Variants in FARSB observed in about 807,000 individuals in gnomAD.
The protein encoded by FARSB is phenylalanyl-tRNA synthetase subunit beta, also known as phenylalanine--tRNA ligase beta subunit.
In FARSB, 40 loss-of-function variants were observed where a neutral mutation model predicts 69.6. That is an observed-to-expected ratio of 0.57 (90% CI 0.45 to 0.75). FARSB has a LOEUF of 0.75. Ranked by LOEUF, FARSB falls within the 30% of genes least tolerant of loss-of-function variation. FARSB has a pLI of 0.00. For missense variants in FARSB, 632 were observed against 722.9 expected (o/e 0.87, Z 1.44); for synonymous variants, 235 against 247.2 (o/e 0.95, Z 0.46).
At chr2:222,580,673 C>A (rs1418161084) in intron 16 of FARSB, among the ~76,000 whole-genome samples, 1 of 151,954 alleles carries the variant, frequency 6.6e-6, no homozygotes, top group Non-Finnish European at 1.5e-5. Context: ...CATAACACAA[C>A]TACTGCCTTT....
chr2:222,584,892 T>C (rs1170331376), intron 16 of FARSB, among the ~76,000 whole-genome samples: 1 of 152,202 alleles, frequency 6.6e-6, no homozygotes, highest in East Asian at 1.9e-4. Context: ...CCTGCCTGCC[T>C]CTGTAGACTC....
intron 3 of FARSB, among the ~76,000 whole-genome samples, chr2:222,641,618 A>T (rs1691721622): frequency 6.6e-6 from 1 of 152,238 alleles, no homozygotes; most frequent in African/African-American, 2.4e-5. Context: ...CACTTTAAGT[A>T]GAAAACATTT....
chr2:222,640,123 T>A (rs1301633192), intron 4 of FARSB, among the ~76,000 whole-genome samples: 3 of 152,142 alleles, frequency 2.0e-5, no homozygotes, highest in African/African-American at 7.2e-5. Context: ...TAAAAAAAAA[T>A]GTTTTTTTAA....
In FARSB at chr2:222,624,388, G is replaced by A. The variant is rs150407941; in HGVS notation, c.1054C>T (p.Pro352Ser). 1.2e-6 allele frequency: 2 copies of A among 1,609,750 alleles called. No individual in the cohort carries two copies. The highest frequency in any genetic ancestry group is 1.3e-5 in the African/African-American group (1 of 74,914). Residue 352 changes from proline (P) to serine (S), a missense_variant, in exon 12 of 17, where the codon CCT (proline) becomes TCT (serine). Transcript: ENST00000281828. ...GDGNQIEIEI[P>S]PTRADIIHAC... is the part of the protein sequence containing the mutation. ...TGGATAATGTCAGCTCTGGTTGGAG[G>A]GATTTCAATCTCAATCTGATTCCCA...
rs1165938275 is a variant in FARSB, at chr2:222,656,050, A to T, written c.24T>A (p.Arg8=). MPTVSVK[R]DLLFQALGRT... is the part of the protein sequence containing the mutation. ...GGCCCAGGGCTTGGAAGAGCAGATC[A>T]CGCTTCACGCTGACAGTCGGCATGG... The change falls in exon 1 of 17, where the codon CGT becomes CGA. Residue 8 remains arginine (R), a synonymous_variant. Transcript: ENST00000281828. The T allele has an allele frequency of 6.3e-7, 1 of 1,596,116 alleles. No individual in the cohort carries two copies.
At chr2:222,607,580 T>C (rs1690735166) in intron 15 of FARSB, among the ~76,000 whole-genome samples, 1 of 151,678 alleles carries the variant, frequency 6.6e-6, no homozygotes, top group African/African-American at 2.4e-5. Flanking sequence ...GCATAACATA[T>C]GCTTGTATGA....
At chr2:222,601,737 C>A (rs1320310011) in intron 15 of FARSB, among the ~76,000 whole-genome samples, 2 of 152,226 alleles carry the variant, frequency 1.3e-5, no homozygotes, top group African/African-American at 4.8e-5. Context: ...TATAAAAGTG[C>A]ACTGCAGCCT....
chr2:222,615,139 T>C (rs1187193978), intron 14 of FARSB, among the ~76,000 whole-genome samples: 3 of 152,166 alleles, frequency 2.0e-5, no homozygotes, highest in Non-Finnish European at 4.4e-5. Context: ...AAAACATATT[T>C]CTCCCTGTAA....
chr2:222,637,973 C>G (rs560863919), intron 5 of FARSB, among the ~76,000 whole-genome samples: 15 of 152,074 alleles, frequency 9.9e-5, no homozygotes, highest in Non-Finnish European at 1.9e-4. Context: ...CAGAGAAAAA[C>G]CCTGTCTCAA....
chr2:222,574,485 C>T (rs1689787605), intron 16 of FARSB, among the ~76,000 whole-genome samples: 1 of 152,158 alleles, frequency 6.6e-6, no homozygotes, highest in Admixed American at 6.5e-5. Context: ...GGTCAGAAGG[C>T]CTTCACAGCG....
At chr2:222,577,722 G>C (rs754272984) in intron 16 of FARSB, among the ~76,000 whole-genome samples, 5 of 152,192 alleles carry the variant, frequency 3.3e-5, no homozygotes, top group Non-Finnish European at 5.9e-5. Context: ...TAAATATTTA[G>C]AATCGTAACT....
At chr2:222,587,943 G>A (rs1330625182) in intron 16 of FARSB, among the ~76,000 whole-genome samples, 1 of 152,114 alleles carries the variant, frequency 6.6e-6, no homozygotes, top group East Asian at 1.9e-4. Context: ...AGAGGTGCTG[G>A]TACCATTCCT....
intron 1 of FARSB, among the ~76,000 whole-genome samples, chr2:222,652,127 T>A (rs1241233955): frequency 1.3e-5 from 2 of 152,098 alleles, no homozygotes; most frequent in African/African-American, 4.8e-5. Flanking sequence ...GTCTCTCGAG[T>A]CTCTCAGGCC....
Position 222,595,993 on chromosome 2 carries a change from ACT to A in FARSB, c.1618+3933_1618+3934del, listed in dbSNP as rs1690404834. On this transcript the variant is annotated intron_variant, in intron 16 of 16. Transcript: ENST00000281828. The stretch of plus-strand genomic sequence containing the variant: ...ATATTTGGAGTTGAACCCTTTTGAA[ACT>A]CTTAAAATGCTCTGCAGTCTGCTAA... 2.6e-5 allele frequency among the ~76,000 whole-genome samples: 4 copies of A among 151,890 alleles called. No homozygotes were observed. The South Asian group carries it at 8.3e-4, about 32-fold the overall frequency.
chr2:222,624,829 G>C, intron 10 of FARSB, 54 bp from the exon 11 acceptor site: 1 of 1,125,598 alleles, frequency 8.9e-7, no homozygotes, highest in Non-Finnish European at 1.3e-6. Context: ...TACAGCTTTA[G>C]AGTCTTTTCC....
At chr2:222,636,862 A>G (rs566841657) in intron 5 of FARSB, among the ~76,000 whole-genome samples, 8 of 152,346 alleles carry the variant, frequency 5.3e-5, no homozygotes, top group South Asian at 2.1e-4. Flanking sequence ...GGCAATGGAC[A>G]TGAGAAGAAA....
intron 16 of FARSB, among the ~76,000 whole-genome samples, chr2:222,579,078 C>T (rs1325699011): frequency 6.6e-6 from 1 of 152,148 alleles, no homozygotes; most frequent in Non-Finnish European, 1.5e-5. Flanking sequence ...CTGGCCAAGC[C>T]CTTTGTGGGA....
At chr2:222,589,698 G>C (rs1284720793) in intron 16 of FARSB, among the ~76,000 whole-genome samples, 1 of 152,066 alleles carries the variant, frequency 6.6e-6, no homozygotes, top group Non-Finnish European at 1.5e-5. Flanking sequence ...CAAAAAGTAG[G>C]CGAAGGATAT....
intron 16 of FARSB, among the ~76,000 whole-genome samples, chr2:222,594,015 G>A (rs1476173502): frequency 1.3e-5 from 2 of 150,082 alleles, no homozygotes; most frequent in Non-Finnish European, 3.0e-5. Context: ...TCAACACTTC[G>A]GGAGGCCAAG....
Sources: allele counts gnomAD v4.1 joint callset (sites outside exome capture counted in the v4.1 genomes callset), GRCh38; gene constraint gnomAD v4.1.1; transcripts MANE v1.5; gene names NCBI Gene and HGNC (gene_info 2026-07-23, HGNC 2026-07-21).